TMEM132B: variants seen among roughly 807,000 people sequenced by gnomAD.
TMEM132B encodes transmembrane protein 132B.
TMEM132B carries 18 observed loss-of-function variants against 90.8 expected under a neutral mutation model. That is an observed-to-expected ratio of 0.20 (90% CI 0.14 to 0.29). TMEM132B has a LOEUF of 0.29. Ranked by LOEUF, TMEM132B falls within the 10% of genes least tolerant of loss-of-function variation. The pLI is 1.00. For synonymous variants in TMEM132B, 504 were observed against 523.3 expected (o/e 0.96, Z 0.50); for missense variants, 1,096 against 1,326.8 (o/e 0.83, Z 2.70).
chr12:125,365,772 G>A (rs537925744), intron 2 of TMEM132B, among the ~76,000 whole-genome samples: 4 of 151,958 alleles, frequency 2.6e-5, no homozygotes, highest in Non-Finnish European at 5.9e-5. Flanking sequence ...TTTTTGGGCA[G>A]ATGTGATATT....
chr12:125,262,592 T>C (rs1424693448), intron 1 of TMEM132B, among the ~76,000 whole-genome samples: 1 of 152,206 alleles, frequency 6.6e-6, no homozygotes, highest in Non-Finnish European at 1.5e-5. Flanking sequence ...TTGTCTACCC[T>C]ACATTGAGGC....
chr12:125,318,560 C>T (rs757056633), intron 1 of TMEM132B, among the ~76,000 whole-genome samples: 2 of 152,124 alleles, frequency 1.3e-5, no homozygotes, highest in Non-Finnish European at 2.9e-5. Context: ...GTCCCTGACC[C>T]ACCATGTCCA....
chr12:125,223,605 C>T lies in TMEM132B; in HGVS notation c.67+36739C>T, dbSNP rs191649093. On this transcript the variant is annotated intron_variant, in intron 1 of 8. Transcript: ENST00000682704. Reference sequence around the variant, plus strand: ...TATTTTGCAACCATCACCACTAATTCCAGAACATTTTCATCAGCCCAAAAT... The same window carrying T: ...TATTTTGCAACCATCACCACTAATTTCAGAACATTTTCATCAGCCCAAAAT... Among the ~76,000 whole-genome samples, 594 of 152,224 alleles carry T rather than the reference C, an allele frequency of 3.9e-3. 4 individuals are homozygous for T. The highest frequency in any genetic ancestry group is 9.5e-3 in the Admixed American group (145 of 15,282).
rs1004001548 is a variant in TMEM132B, at chr12:125,415,182, G to T, written c.960-349G>T. ...AGACTCTTCTCCATCTCCAGGTGAA[G>T]AATAGGCCTTGCAGATCCATCTCTT... is the stretch of plus-strand genomic sequence containing the variant. On this transcript the variant is annotated intron_variant, in intron 2 of 8. Transcript: ENST00000682704. This position sits in a 1 kb window ranked among gnomAD's most constrained non-coding sequence, Gnocchi z 5.3. Among the ~76,000 whole-genome samples the T allele has an allele frequency of 4.6e-5, 7 of 152,162 alleles. No homozygotes were observed. The East Asian group carries it at 1.3e-3, about 29-fold the overall frequency.
At chr12:125,329,015 C>G (rs1486053228) in intron 1 of TMEM132B, among the ~76,000 whole-genome samples, 1 of 152,092 alleles carries the variant, frequency 6.6e-6, no homozygotes, top group African/African-American at 2.4e-5. Flanking sequence ...TCGCATTCTC[C>G]CCCACCCCCA....
chr12:125,515,547 A>G (rs1426280477), intron 3 of TMEM132B, among the ~76,000 whole-genome samples: 1 of 151,054 alleles, frequency 6.6e-6, no homozygotes, highest in Non-Finnish European at 1.5e-5. Flanking sequence ...GCTCACACAC[A>G]TTCATTCAGT....
chr12:125,590,904 G>T (rs79630966), intron 5 of TMEM132B, among the ~76,000 whole-genome samples: 2 of 152,128 alleles, frequency 1.3e-5, no homozygotes, highest in African/African-American at 4.8e-5. Context: ...TGGATACAGG[G>T]GTGAGAGTTC....
At chr12:125,640,515 G>A (rs764994005) in intron 5 of TMEM132B, among the ~76,000 whole-genome samples, 4 of 152,198 alleles carry the variant, frequency 2.6e-5, no homozygotes, top group Non-Finnish European at 4.4e-5. Context: ...TAGGGAGGGC[G>A]TGCAAGGTGA....
intron 2 of TMEM132B, among the ~76,000 whole-genome samples, chr12:125,374,698 A>G (rs1280658215): frequency 6.6e-6 from 1 of 151,714 alleles, no homozygotes; most frequent in Non-Finnish European, 1.5e-5. Context: ...CTGCTTGGCA[A>G]CCTTGCATGT....
At chr12:125,285,941 C>T (rs910079208) in intron 1 of TMEM132B, among the ~76,000 whole-genome samples, 4 of 152,234 alleles carry the variant, frequency 2.6e-5, no homozygotes, top group African/African-American at 7.2e-5. Flanking sequence ...TGCGCCTAGA[C>T]ACCCTGTGCA....
rs189607378 is a variant in TMEM132B at position 125,551,872 on chromosome 12, G to T, written c.1294-31979G>T. Among the ~76,000 whole-genome samples, 128 of 152,202 alleles carry T rather than the reference G, an allele frequency of 8.4e-4. 1 individual carries two copies. The highest frequency in any genetic ancestry group is 8.4e-3 in the Admixed American group (128 of 15,282). On this transcript the variant is annotated intron_variant, in intron 4 of 8. Transcript: ENST00000682704. The stretch of plus-strand genomic sequence containing the variant: ...ATCTAACCTGGCACATTGTTTTCAT[G>T]GTCCTGGTGGCAACACAGGAGGAGG...
In TMEM132B at chr12:125,534,023, T is replaced by A. The variant is rs111929579; in HGVS notation, c.1293+14398T>A. ...CAAAGTCCACGTATGGGCAGAGAGATGACTGTGGCTGGACACGCAAGTGGC... is the reference window on the plus strand; with the variant it reads ...CAAAGTCCACGTATGGGCAGAGAGAAGACTGTGGCTGGACACGCAAGTGGC... On this transcript the variant is annotated intron_variant, in intron 4 of 8. Transcript: ENST00000682704. Among the ~76,000 whole-genome samples the A allele has an allele frequency of 1.7e-3, 262 of 152,324 alleles. 2 individuals are homozygous for A. Among genetic ancestry groups the A allele is most frequent in the African/African-American group, 6.2e-3 (256 of 41,588 alleles).
rs1881418210 is a variant in TMEM132B at position 125,460,809 on chromosome 12, T to A, written c.1106+45132T>A. Reference sequence around the variant, plus strand: ...AAGATCCTGGAAAATTCTCACAAAATCAAATCTTGGCCTTTCCTTACAATC... The same window carrying A: ...AAGATCCTGGAAAATTCTCACAAAAACAAATCTTGGCCTTTCCTTACAATC... On this transcript the variant is annotated intron_variant, in intron 3 of 8. Transcript: ENST00000682704. This position sits in a 1 kb window ranked among gnomAD's most constrained non-coding sequence, Gnocchi z 4.4. Among the ~76,000 whole-genome samples, 1 of 152,206 alleles carries A rather than the reference T, an allele frequency of 6.6e-6. No homozygotes were observed. Among genetic ancestry groups the A allele is most frequent in the Non-Finnish European group, 1.5e-5 (1 of 68,038 alleles).
At chr12:125,593,609 C>G (rs983319553) in intron 5 of TMEM132B, among the ~76,000 whole-genome samples, 1 of 152,110 alleles carries the variant, frequency 6.6e-6, no homozygotes, top group Non-Finnish European at 1.5e-5. Context: ...CTAGGGTCCT[C>G]TATTTCCCAG....
chr12:125,515,297 CAT>C lies in TMEM132B; in HGVS notation c.1107-4140_1107-4139del, dbSNP rs149695009. ...TCACACACAAATTCTCTCACACACT[CAT>C]ACACACTATTCACATGTTCTCTTAC... On this transcript the variant is annotated intron_variant, in intron 3 of 8. Coordinates refer to ENST00000682704, the MANE Select transcript of TMEM132B (RefSeq NM_001366854.1). Among the ~76,000 whole-genome samples the C allele has an allele frequency of 5.0e-3, 763 of 152,004 alleles. 28 individuals carry two copies. The East Asian group carries it at 0.11, about 21-fold the overall frequency.
chr12:125,618,758 A>T (rs1321332762), intron 5 of TMEM132B, among the ~76,000 whole-genome samples: 1 of 152,148 alleles, frequency 6.6e-6, no homozygotes, highest in Non-Finnish European at 1.5e-5. Context: ...GAGCCAAGTC[A>T]TCTCCAAAGT....
chr12:125,603,983 T>G (rs557485711), intron 5 of TMEM132B, among the ~76,000 whole-genome samples: 1 of 152,126 alleles, frequency 6.6e-6, no homozygotes, highest in African/African-American at 2.4e-5. Flanking sequence ...TAAGAACAAT[T>G]TTACACTGTT....
intron 4 of TMEM132B, among the ~76,000 whole-genome samples, chr12:125,531,920 G>C (rs188443561): frequency 6.6e-6 from 1 of 152,218 alleles, no homozygotes; most frequent in Non-Finnish European, 1.5e-5. Flanking sequence ...CTCTCCTGGC[G>C]CTGCAAGCCA....
intron 2 of TMEM132B, among the ~76,000 whole-genome samples, chr12:125,411,155 A>AGT (rs1457433988): frequency 1.2e-3 from 54 of 43,912 alleles, no homozygotes; most frequent in East Asian, 2.8e-3. Context: ...AGTGGAGTGG[A>AGT]GGAGTGGAGT....
Sources: gnomAD v4.1 joint callset for allele counts (sites outside exome capture counted in the v4.1 genomes callset) on GRCh38, gnomAD v4.1.1 for gene constraint, Gnocchi (gnomAD v3.1) non-coding constraint, MANE v1.5 for transcripts, NCBI Gene and HGNC (gene_info 2026-07-23, HGNC 2026-07-21) for gene names.